The following HIVEP3 variants were observed in gnomAD, a reference collection of about 807,000 sequenced individuals.
HIVEP3 encodes HIVEP zinc finger 3.
Under a neutral mutation model 152.8 loss-of-function variants are expected in HIVEP3, and 49 were observed. That is an observed-to-expected ratio of 0.32 (90% CI 0.26 to 0.41). HIVEP3 has a LOEUF of 0.41. Ranked by LOEUF, HIVEP3 falls within the 10% of genes least tolerant of loss-of-function variation. The pLI is 1.00. For missense variants in HIVEP3, 2,790 were observed against 3,103.3 expected (o/e 0.90, Z 2.40); for synonymous variants, 1,269 against 1,289.0 (o/e 0.98, Z 0.33).
At chr1:41,926,186 C>A (rs935968794) in intron 1 of HIVEP3, among the ~76,000 whole-genome samples, 1 of 152,158 alleles carries the variant, frequency 6.6e-6, no homozygotes, top group Non-Finnish European at 1.5e-5. Flanking sequence ...TTTGTGACAG[C>A]AACTGTATCT....
At chr1:41,623,257 C>T (rs989444276) in intron 3 of HIVEP3, among the ~76,000 whole-genome samples, 3 of 152,202 alleles carry the variant, frequency 2.0e-5, no homozygotes, top group East Asian at 1.9e-4. Context: ...CGAGAAACCA[C>T]GAAACTTCCT....
At chr1:41,522,526 C>A (rs1281100712) in intron 6 of HIVEP3, among the ~76,000 whole-genome samples, 1 of 152,168 alleles carries the variant, frequency 6.6e-6, no homozygotes, top group African/African-American at 2.4e-5. Flanking sequence ...ACAGCAGGGG[C>A]AGCCTTACCT....
Position 41,513,263 on chromosome 1 carries a change from C to T in HIVEP3, c.5958G>A (p.Ser1986=), listed in dbSNP as rs745479037. ...GGGGAGATGAGTCGTTTTTGGTTAG[C>T]GAGTGTTTGCGGGCTAGTGGTGGAC... The part of the protein sequence containing the change: ...GSRPPLARKH[S]LTKNDSSPQR... Residue 1986 remains serine (S), a synonymous_variant, in exon 8 of 9, where the codon TCG becomes TCA. Transcript: ENST00000372583. The T allele has an allele frequency of 8.2e-6, 13 of 1,583,704 alleles. No homozygotes were observed. The highest frequency in any genetic ancestry group is 7.0e-5 in the East Asian group (3 of 42,750).
intron 5 of HIVEP3, among the ~76,000 whole-genome samples, chr1:41,541,379 C>G (rs923275125): frequency 6.6e-6 from 1 of 152,178 alleles, no homozygotes; most frequent in Admixed American, 6.5e-5. Flanking sequence ...GTTGTGAGTC[C>G]TTTTGTGGAA....
intron 1 of HIVEP3, among the ~76,000 whole-genome samples, chr1:41,797,936 C>T (rs1322699823): frequency 6.6e-6 from 1 of 151,934 alleles, no homozygotes; most frequent in Non-Finnish European, 1.5e-5. Context: ...GCCGAGATCG[C>T]ACCATGGTAC....
chr1:41,991,574 G>A (rs1645361686), intron 1 of HIVEP3, among the ~76,000 whole-genome samples: 1 of 147,856 alleles, frequency 6.8e-6, no homozygotes, highest in Non-Finnish European at 1.5e-5. Context: ...GAGGTACAAG[G>A]AGGAACTGGT....
At chr1:41,689,966 G>A (rs924776608) in intron 2 of HIVEP3, among the ~76,000 whole-genome samples, 1 of 152,244 alleles carries the variant, frequency 6.6e-6, no homozygotes. Flanking sequence ...GTCCTCCGGG[G>A]CCTTGGCAGC....
At chr1:42,033,634 A>C (rs1645625450) in intron 1 of HIVEP3, among the ~76,000 whole-genome samples, 1 of 152,228 alleles carries the variant, frequency 6.6e-6, no homozygotes, top group Admixed American at 6.5e-5. Flanking sequence ...ATTGAAAGGG[A>C]AGGAGATAAG....
intron 5 of HIVEP3, among the ~76,000 whole-genome samples, chr1:41,573,757 GC>G (rs1184256260): frequency 6.6e-6 from 1 of 152,140 alleles, no homozygotes; most frequent in Non-Finnish European, 1.5e-5. Flanking sequence ...GAAACTGAGG[GC>G]GGGAGAGCTG....
At chr1:41,966,951 G>C (rs1051410896) in intron 1 of HIVEP3, among the ~76,000 whole-genome samples, 14 of 152,030 alleles carry the variant, frequency 9.2e-5, no homozygotes, top group African/African-American at 2.9e-4. Context: ...AAAAAGACAA[G>C]GAAGGGCATT....
intron 5 of HIVEP3, among the ~76,000 whole-genome samples, chr1:41,549,240 A>G (rs998671275): frequency 6.6e-6 from 1 of 152,198 alleles, no homozygotes; most frequent in Non-Finnish European, 1.5e-5. Flanking sequence ...TCCATGGTGT[A>G]TATGTGCCAC....
At chr1:41,669,617 G>A (rs1056224795) in intron 2 of HIVEP3, among the ~76,000 whole-genome samples, 22 of 152,262 alleles carry the variant, frequency 1.4e-4, no homozygotes, top group Admixed American at 3.9e-4. Context: ...CTGGGACATT[G>A]GTCTTTTCCT....
At position 41,580,425 on chromosome 1, in the gene HIVEP3, G is replaced by A. The variant is rs376124551; in HGVS notation, c.4373C>T (p.Ala1458Val). The part of the protein sequence containing the change: ...KRVKEEEASK[A>V]DEKLELVKPC... The stretch of plus-strand genomic sequence containing the variant: ...TTTTACCAGCTCAAGTTTTTCATCT[G>A]CCTTGGAAGCCTCCTCCTCCTTCAC... The change falls in exon 4 of 9, where the codon GCA (alanine) becomes GTA (valine). Residue 1458 changes from alanine to valine, a missense_variant. Transcript: ENST00000372583. 2.4e-5 allele frequency: 38 copies of A among 1,614,148 alleles called. No homozygotes were observed. The African/African-American group carries it at 4.9e-4, about 21-fold the overall frequency.
chr1:41,672,538 A>G (rs960287315), intron 2 of HIVEP3, among the ~76,000 whole-genome samples: 1 of 152,178 alleles, frequency 6.6e-6, no homozygotes, highest in African/African-American at 2.4e-5. Context: ...CTTTCTACAC[A>G]TCACCTTGCT....
At chr1:41,988,028 T>C (rs1353385865) in intron 1 of HIVEP3, among the ~76,000 whole-genome samples, 1 of 152,156 alleles carries the variant, frequency 6.6e-6, no homozygotes, top group East Asian at 1.9e-4. Flanking sequence ...GAGATTTGGG[T>C]GGGGACACGG....
chr1:41,854,056 C>T (rs1328329130), intron 1 of HIVEP3, among the ~76,000 whole-genome samples: 5 of 152,162 alleles, frequency 3.3e-5, no homozygotes, highest in East Asian at 1.9e-4. Flanking sequence ...TTCACTCACC[C>T]GGCTGTACCT....
intron 5 of HIVEP3, among the ~76,000 whole-genome samples, chr1:41,571,086 G>A (rs1041210798): frequency 2.6e-4 from 39 of 152,112 alleles, no homozygotes; most frequent in Non-Finnish European, 2.9e-4. Flanking sequence ...AGGAGGTGCA[G>A]CAGCTGAGTC....
rs1261837381 is a variant in HIVEP3 at position 41,513,241 on chromosome 1, G to A, written c.5980C>T (p.Pro1994Ser). 2 of 1,613,702 alleles carry A rather than the reference G, an allele frequency of 1.2e-6. No homozygotes were observed. Among genetic ancestry groups the A allele is most frequent in the Middle Eastern group, 1.7e-4 (1 of 6,060 alleles). ...TCTCGGGCCGGGGAGCATCGCTGGG[G>A]AGATGAGTCGTTTTTGGTTAGCGAG... Reference protein sequence around the residue: ...KHSLTKNDSSPQRCSPAREPQ... With the variant: ...KHSLTKNDSSSQRCSPAREPQ... The change falls in exon 8 of 9, where the codon CCC (proline) becomes TCC (serine). Residue 1994 changes from proline (P) to serine (S), a missense_variant. Pro to Ser is a moderately conservative substitution (Grantham distance 74, BLOSUM62 -1). This residue lies in a region of HIVEP3 where 816 missense variants were observed against 806.5 expected (regional missense o/e 1.01). Coordinates refer to ENST00000372583, the MANE Select transcript of HIVEP3 (RefSeq NM_024503.5).
chr1:41,793,947 C>T (rs1649840837), intron 1 of HIVEP3, among the ~76,000 whole-genome samples: 1 of 152,180 alleles, frequency 6.6e-6, no homozygotes, highest in East Asian at 1.9e-4. Context: ...TAGATGTACC[C>T]ACCATAACTT....
Sources: allele counts gnomAD v4.1 joint callset (sites outside exome capture counted in the v4.1 genomes callset), GRCh38; gene constraint gnomAD v4.1.1; regional missense constraint gnomAD v4.1.1; transcripts MANE v1.5; gene names NCBI Gene and HGNC (gene_info 2026-07-23, HGNC 2026-07-21).